Variants in ECEL1 observed in about 807,000 individuals in gnomAD.
ECEL1 encodes endothelin-converting enzyme-like 1.
ECEL1 carries 87 observed loss-of-function variants against 101.8 expected under a neutral mutation model. The observed-to-expected ratio is 0.85, with a 90% CI of 0.72 to 1.02. ECEL1 has a LOEUF of 1.02. ECEL1 is among the 50% of genes least tolerant of loss of function. The pLI, the probability that ECEL1 is intolerant of heterozygous loss-of-function variation, is 0.00. For synonymous variants in ECEL1, 487 were observed against 468.7 expected (o/e 1.04, Z -0.50); for missense variants, 1,032 against 1,079.2 (o/e 0.96, Z 0.61).
chr2:232,480,988 C>T, intron 15 of ECEL1, 103 bp downstream of exon 15: 1 of 1,464,860 alleles, frequency 6.8e-7, no homozygotes, highest in Non-Finnish European at 9.3e-7. Context: ...CAGGCCAGAG[C>T]TCAGCAGGGT....
chr2:232,483,457 C>T lies in ECEL1; in HGVS notation c.1465G>A (p.Asp489Asn). The change falls in exon 8 of 18, where the codon GAC becomes AAC. Residue 489 changes from aspartate to asparagine, a missense_variant. Transcript: ENST00000304546. Reference sequence around the variant, plus strand: ...GCCCTGGTCTCGGCGTCCATCCAGTCCAGCTCCTCCAGGCGCTGGCCCAGG... The same window carrying T: ...GCCCTGGTCTCGGCGTCCATCCAGTTCAGCTCCTCCAGGCGCTGGCCCAGG... Reference protein sequence around the residue: ...YILGQRLEELDWMDAETRAAA... With the variant: ...YILGQRLEELNWMDAETRAAA... 6.2e-7 allele frequency: 1 copy of T among 1,612,686 alleles called. No individual in the cohort carries two copies. The highest frequency in any genetic ancestry group is 8.5e-7 in the Non-Finnish European group (1 of 1,179,784).
chr2:232,480,023 C>G lies in ECEL1; in HGVS notation c.*130G>C, dbSNP rs1258683120. 4.8e-6 allele frequency: 4 copies of G among 839,238 alleles called. No individual in the cohort carries two copies. In the East Asian group the frequency reaches 7.7e-5, roughly 16 times the overall value. 52.0% of individuals were successfully genotyped at this position (839,238 alleles called of 1,614,324 possible). ...CTGAAGTGAGGGGCAGCAGGGGGAC[C>G]GGGTCCTGGAGGGGCTGGAAGGCAG... is the stretch of plus-strand genomic sequence containing the variant. On this transcript the variant is annotated 3_prime_UTR_variant, in exon 18 of 18. Transcript: ENST00000304546.
intron 14 of ECEL1, 115 bp from the exon 15 acceptor site, chr2:232,481,271 A>T: frequency 7.2e-7 from 1 of 1,393,208 alleles, no homozygotes; most frequent in Non-Finnish European, 9.7e-7. Context: ...TCCCTTGCCC[A>T]GAGAGTTTGA....
Position 232,480,629 on chromosome 2 carries a change from G to A in ECEL1, c.2151+89C>T, listed in dbSNP as rs141049565. Reference sequence around the variant, plus strand: ...AGGTGATGACAGACAGGCTGTCCATGCGAAGCCTGGGCAAGGCAGGACTGG... The same window carrying A: ...AGGTGATGACAGACAGGCTGTCCATACGAAGCCTGGGCAAGGCAGGACTGG... On this transcript the variant is annotated intron_variant, in intron 16 of 17. Transcript: ENST00000304546. The A allele has an allele frequency of 1.0e-3, 1,604 of 1,530,914 alleles. 3 individuals are homozygous for A. The highest frequency in any genetic ancestry group is 1.3e-3 in the Non-Finnish European group (1,488 of 1,115,826). 94.8% of individuals were successfully genotyped at this position (1,530,914 alleles called of 1,614,324 possible).
rs763860359 is a variant in ECEL1 at position 232,484,119 on chromosome 2, C to A, written c.1289G>T (p.Gly430Val). 25 of 1,613,604 alleles carry A rather than the reference C, an allele frequency of 1.5e-5. No homozygotes were observed. Among genetic ancestry groups the A allele is most frequent in the Admixed American group, 1.5e-4 (9 of 60,018 alleles). ...GGCCAGCTCCTGTGGCTTGTCGCTG[C>A]CCTCCATCTCCTGTGCCAGCTCGTG... ...ALHELAQEME[G>V]SDKPQELARV... Residue 430 changes from glycine to valine, a missense_variant, in exon 7 of 18, where the codon GGC (glycine) becomes GTC (valine). Transcript: ENST00000304546.
At chr2:232,483,667 C>A (rs1408244377) in intron 7 of ECEL1, among the ~76,000 whole-genome samples, 153 bp from the exon 8 acceptor site, 1 of 152,212 alleles carries the variant, frequency 6.6e-6, no homozygotes. Flanking sequence ...AGGATCCAGG[C>A]CCTGCACCCC....
Position 232,485,098 on chromosome 2 carries a change from C to A in ECEL1, c.856-7G>T, listed in dbSNP as rs747228373. Reference sequence around the variant, plus strand: ...CCCTGTATGCTGCCAGGATCTGCACCAGGGGAGGGGGCTCACCCAGGGACA... The same window carrying A: ...CCCTGTATGCTGCCAGGATCTGCACAAGGGGAGGGGGCTCACCCAGGGACA... On this transcript the variant is annotated splice_region_variant and splice_polypyrimidine_tract_variant and intron_variant, in intron 3 of 17. Coordinates refer to ENST00000304546, the MANE Select transcript of ECEL1 (RefSeq NM_004826.4). 4.3e-6 allele frequency: 7 copies of A among 1,611,398 alleles called. No individual in the cohort carries two copies. In the Admixed American group the frequency reaches 5.0e-5, roughly 12 times the overall value.
rs552970094 is a variant in ECEL1 at position 232,480,598 on chromosome 2, C to T, written c.2151+120G>A. On this transcript the variant is annotated intron_variant, in intron 16 of 17. Coordinates refer to ENST00000304546, the MANE Select transcript of ECEL1 (RefSeq NM_004826.4). ...AGCACCACAGGACCATCACCTCTGA[C>T]GGGACAGGTGATGACAGACAGGCTG... is the stretch of plus-strand genomic sequence containing the variant. 81 of 1,497,314 alleles carry T rather than the reference C, an allele frequency of 5.4e-5. No homozygotes were observed. In the Middle Eastern group the frequency reaches 6.3e-4, roughly 12 times the overall value. 92.8% of individuals were successfully genotyped at this position (1,497,314 alleles called of 1,614,324 possible). A position where few individuals can be genotyped will look rare whatever the true frequency, so the allele number is the denominator to read the frequency against.
Position 232,480,103 on chromosome 2 carries a change from G to C in ECEL1, c.*50C>G. ...TGCATGCCTGCCCCGGTAGCCAGCA[G>C]GAGGTGATTCGTGCGGGGGCAGTGG... On this transcript the variant is annotated 3_prime_UTR_variant, in exon 18 of 18. Transcript: ENST00000304546. 6.3e-7 allele frequency: 1 copy of C among 1,582,544 alleles called. No individual in the cohort carries two copies. The highest frequency in any genetic ancestry group is 8.7e-7 in the Non-Finnish European group (1 of 1,154,486).
intron 1 of ECEL1, among the ~76,000 whole-genome samples, chr2:232,487,321 T>C (rs991570747): frequency 2.6e-5 from 4 of 151,882 alleles, no homozygotes; most frequent in African/African-American, 9.7e-5. Flanking sequence ...GCCCCTTCCC[T>C]AGGGGCGCGC....
In ECEL1 at chr2:232,486,273, G is replaced by A; in HGVS notation, c.381C>T (p.Tyr127=). The A allele has an allele frequency of 6.2e-7, 1 of 1,600,486 alleles. No homozygotes were observed. The highest frequency in any genetic ancestry group is 8.5e-7 in the Non-Finnish European group (1 of 1,178,206). Reference sequence around the variant, plus strand: ...GCAGCCAACCGCCGCAGGCGAACGAGTAGAAGTCCTGGCATGGGTCGATGC... The same window carrying A: ...GCAGCCAACCGCCGCAGGCGAACGAATAGAAGTCCTGGCATGGGTCGATGC... ...DASIDPCQDF[Y]SFACGGWLRR... Residue 127 remains tyrosine, a synonymous_variant, in exon 2 of 18, where the codon TAC becomes TAT. Coordinates refer to ENST00000304546, the MANE Select transcript of ECEL1 (RefSeq NM_004826.4).
chr2:232,484,677 G>A (rs879105935), intron 5 of ECEL1, 81 bp from the exon 6 acceptor site: 66 of 1,601,354 alleles, frequency 4.1e-5, no homozygotes, highest in South Asian at 2.2e-4. Context: ...GAGAGGCAGC[G>A]AGGGGACATG....
intron 15 of ECEL1, 53 bp from the exon 16 acceptor site, chr2:232,480,866 T>A: frequency 1.3e-6 from 2 of 1,522,236 alleles, no homozygotes; most frequent in Non-Finnish European, 1.8e-6. Flanking sequence ...TGGGCACCGC[T>A]TCTTCTCTGT....
rs1245394308 is a variant in ECEL1 at position 232,486,343 on chromosome 2, G to T, written c.311C>A (p.Ala104Asp). The change falls in exon 2 of 18, where the codon GCC becomes GAC. Residue 104 changes from alanine to aspartate, a missense_variant. Ala to Asp is a moderately radical substitution (Grantham distance 126, BLOSUM62 -2). Coordinates refer to ENST00000304546, the MANE Select transcript of ECEL1 (RefSeq NM_004826.4). Reference protein sequence around the residue: ...ACPEGCPERKAFARAARFLAA... With the variant: ...ACPEGCPERKDFARAARFLAA... ...CAGGAAGCGAGCGGCGCGCGCGAAG[G>T]CCTTGCGCTCAGGGCAGCCCTCGGG... The T allele has an allele frequency of 7.1e-6, 11 of 1,551,902 alleles. No individual in the cohort carries two copies. The highest frequency in any genetic ancestry group is 9.5e-6 in the Non-Finnish European group (11 of 1,157,308).
Position 232,480,132 on chromosome 2 carries a change from C to T in ECEL1, c.*21G>A, listed in dbSNP as rs368762611. 35 of 1,610,320 alleles carry T rather than the reference C, an allele frequency of 2.2e-5. No homozygotes were observed. Among genetic ancestry groups the T allele is most frequent in the Non-Finnish European group, 2.5e-5 (30 of 1,177,512 alleles). On this transcript the variant is annotated 3_prime_UTR_variant, in exon 18 of 18. Coordinates refer to ENST00000304546, the MANE Select transcript of ECEL1 (RefSeq NM_004826.4). ...GTGATTCGTGCGGGGGCAGTGGGGG[C>T]GTGCAGGCGGGCAGCCAGGCTCACC... is the stretch of plus-strand genomic sequence containing the variant.
chr2:232,480,338 GC>G, intron 17 of ECEL1, 60 bp downstream of exon 17: 1 of 1,611,844 alleles, frequency 6.2e-7, no homozygotes, highest in Middle Eastern at 1.7e-4. Context: ...TCCTTCCCAT[GC>G]CCCCTGATCC....
chr2:232,483,363 A>G (rs1271379429), intron 8 of ECEL1, 53 bp downstream of exon 8: 3 of 1,572,658 alleles, frequency 1.9e-6, no homozygotes, highest in East Asian at 2.2e-5. Context: ...GCTGGTACAC[A>G]GTAGGTGCTC....
intron 10 of ECEL1, 42 bp from the exon 11 acceptor site, chr2:232,482,650 T>A (rs966718818): frequency 1.3e-6 from 2 of 1,577,358 alleles, no homozygotes; most frequent in Non-Finnish European, 1.7e-6. Flanking sequence ...ACACACTCCC[T>A]CCCCCGCTAC....
In ECEL1 at chr2:232,480,490, G is replaced by A. The variant is rs771804560; in HGVS notation, c.2152-15C>T. ...ATGCACCAGTTCTGGGTCCAGGAGC[G>A]GGGTGGAGGGGAGGAGGGGGAGATG... On this transcript the variant is annotated splice_polypyrimidine_tract_variant and intron_variant, in intron 16 of 17. Coordinates refer to ENST00000304546, the MANE Select transcript of ECEL1 (RefSeq NM_004826.4). 16 of 1,613,380 alleles carry A rather than the reference G, an allele frequency of 9.9e-6. No individual in the cohort carries two copies. The highest frequency in any genetic ancestry group is 1.7e-4 in the Middle Eastern group (1 of 5,994).
Sources: gnomAD v4.1 joint callset for allele counts (sites outside exome capture counted in the v4.1 genomes callset) on GRCh38, gnomAD v4.1.1 for gene constraint, MANE v1.5 for transcripts, NCBI Gene and HGNC (gene_info 2026-07-23, HGNC 2026-07-21) for gene names.